The following STAU2 variants were observed in gnomAD, a reference collection of about 807,000 sequenced individuals.
The protein encoded by STAU2 is staufen double-stranded RNA binding protein 2.
In STAU2, 20 loss-of-function variants were observed where a neutral mutation model predicts 65.9. The observed-to-expected ratio is 0.30, with a 90% CI of 0.21 to 0.44. The LOEUF (loss-of-function observed/expected upper bound fraction) is 0.44. STAU2 is among the 20% of genes least tolerant of loss of function. The pLI is 1.00. For missense variants in STAU2, 558 were observed against 683.9 expected (o/e 0.82, Z 2.05); for synonymous variants, 232 against 233.9 (o/e 0.99, Z 0.07).
chr8:73,469,523 G>T (rs1421530038), intron 13 of STAU2, among the ~76,000 whole-genome samples: 2 of 151,382 alleles, frequency 1.3e-5, no homozygotes, highest in Non-Finnish European at 2.9e-5. Context: ...TAGAAGGACT[G>T]AGTAAGGAGA....
chr8:73,669,111 C>T lies in STAU2; in HGVS notation c.410+3996G>A, dbSNP rs189190729. 9.3e-4 allele frequency: 655 copies of T among 701,830 alleles called. 2 individuals are homozygous for T. The African/African-American group carries it at 0.011, about 12-fold the overall frequency. 43.5% of individuals were successfully genotyped at this position (701,830 alleles called of 1,614,324 possible). A position where few individuals can be genotyped will look rare whatever the true frequency, so the allele number is the denominator to read the frequency against. On this transcript the variant is annotated intron_variant, in intron 6 of 14. Coordinates refer to ENST00000524300, the MANE Select transcript of STAU2 (RefSeq NM_001164380.2). ...CTGTAATCCATTCAAGTGTTGCCATCTATAAATTAAAATAAATATGAGAAA... is the reference window on the plus strand; with the variant it reads ...CTGTAATCCATTCAAGTGTTGCCATTTATAAATTAAAATAAATATGAGAAA...
chr8:73,438,788 G>T, intron 13 of STAU2: 2 of 369,846 alleles, frequency 5.4e-6, no homozygotes, highest in South Asian at 4.1e-5. Context: ...GGTTAGGCCC[G>T]CTAACGGGGA....
At chr8:73,582,742 T>C (rs145725960) in intron 12 of STAU2, 28 bp downstream of exon 12, 1 of 1,610,414 alleles carries the variant, frequency 6.2e-7, no homozygotes, top group East Asian at 2.2e-5. Context: ...GAACACCAAG[T>C]GCAGACAACA....
chr8:73,432,245 T>C (rs1311279500), intron 13 of STAU2, among the ~76,000 whole-genome samples: 2 of 152,216 alleles, frequency 1.3e-5, no homozygotes, highest in Admixed American at 1.3e-4. Flanking sequence ...AACTGCTAGA[T>C]TCACCTCAAA....
chr8:73,678,117 T>G (rs765314949), intron 5 of STAU2, among the ~76,000 whole-genome samples: 1 of 152,178 alleles, frequency 6.6e-6, no homozygotes, highest in African/African-American at 2.4e-5. Flanking sequence ...GTCTCTTTCT[T>G]TCTTCACCCA....
At chr8:73,653,017 C>T (rs1379375980) in intron 6 of STAU2, 1 of 152,194 alleles carries the variant, frequency 6.6e-6, no homozygotes, top group African/African-American at 2.4e-5. Flanking sequence ...GCTACTCTTA[C>T]TTTGCCCCAA....
At position 73,475,279 on chromosome 8, in the gene STAU2, C is replaced by CA. The variant is rs1211637420; in HGVS notation, c.1531-52578dup. 3.4e-4 allele frequency among the ~76,000 whole-genome samples: 52 copies of CA among 151,668 alleles called. 1 individual carries two copies. The highest frequency in any genetic ancestry group is 3.4e-3 in the Middle Eastern group (1 of 294). ...TATTGTATTTCAGTGAGAAGTTTTTCAAAAAAAATGGAGCAGCCTTCTAAG... is the reference window on the plus strand; with the variant it reads ...TATTGTATTTCAGTGAGAAGTTTTTCAAAAAAAAATGGAGCAGCCTTCTAAG... On this transcript the variant is annotated intron_variant, in intron 13 of 14. Coordinates refer to ENST00000524300, the MANE Select transcript of STAU2 (RefSeq NM_001164380.2).
chr8:73,430,633 T>A (rs1368019973), intron 13 of STAU2, among the ~76,000 whole-genome samples: 2 of 152,238 alleles, frequency 1.3e-5, no homozygotes, highest in East Asian at 3.8e-4. Context: ...ATCAGATTGA[T>A]GATTTCAAAG....
intron 10 of STAU2, 84 bp from the exon 11 acceptor site, chr8:73,595,381 C>T: frequency 7.9e-7 from 1 of 1,264,296 alleles, no homozygotes; most frequent in Non-Finnish European, 1.1e-6. Flanking sequence ...AGCAATTCTA[C>T]TCTCTAGCAT....
At chr8:73,664,683 T>G (rs951107385) in intron 6 of STAU2, among the ~76,000 whole-genome samples, 6 of 152,214 alleles carry the variant, frequency 3.9e-5, no homozygotes, top group African/African-American at 1.4e-4. Flanking sequence ...TTTAATTTGC[T>G]GATATTTTGT....
At chr8:73,622,415 A>G (rs923841499) in intron 6 of STAU2, among the ~76,000 whole-genome samples, 87 of 151,984 alleles carry the variant, frequency 5.7e-4, no homozygotes, top group Non-Finnish European at 5.9e-5. Flanking sequence ...GTGAGCCACC[A>G]CGCCTGGCCA....
At chr8:73,625,023 G>C (rs1813532657) in intron 6 of STAU2, among the ~76,000 whole-genome samples, 1 of 151,684 alleles carries the variant, frequency 6.6e-6, no homozygotes, top group Non-Finnish European at 1.5e-5. Context: ...ACCACAATAA[G>C]ACACTACTTC....
At chr8:73,682,794 T>C (rs893883733) in intron 5 of STAU2, among the ~76,000 whole-genome samples, 1 of 152,088 alleles carries the variant, frequency 6.6e-6, no homozygotes, top group Non-Finnish European at 1.5e-5. Flanking sequence ...TAACAACTGA[T>C]ACCAGAGAAA....
intron 6 of STAU2, among the ~76,000 whole-genome samples, chr8:73,632,788 T>G (rs1814196328): frequency 6.6e-6 from 1 of 152,188 alleles, no homozygotes; most frequent in African/African-American, 2.4e-5. Context: ...ACTTATAATC[T>G]TAGTTGTCAC....
At chr8:73,436,932 G>A (rs1366246475) in intron 13 of STAU2, among the ~76,000 whole-genome samples, 1 of 152,004 alleles carries the variant, frequency 6.6e-6, no homozygotes, top group Non-Finnish European at 1.5e-5. Flanking sequence ...TGTTTTTCCT[G>A]TAATATTCCA....
At chr8:73,732,063 G>A (rs1370398739) in intron 3 of STAU2, among the ~76,000 whole-genome samples, 1 of 152,226 alleles carries the variant, frequency 6.6e-6, no homozygotes, top group Non-Finnish European at 1.5e-5. Context: ...CTCTCATGAG[G>A]TTGCAGTCAA....
chr8:73,663,949 C>T (rs909864451), intron 6 of STAU2, among the ~76,000 whole-genome samples: 1 of 152,320 alleles, frequency 6.6e-6, no homozygotes, highest in East Asian at 1.9e-4. Context: ...TTTCTACATA[C>T]AGAATCATGG....
chr8:73,741,251 G>A (rs1348590211), intron 1 of STAU2, among the ~76,000 whole-genome samples: 2 of 140,584 alleles, frequency 1.4e-5, no homozygotes, highest in African/African-American at 5.6e-5. Flanking sequence ...CTTGCAGTGA[G>A]CCAAGATCGC....
chr8:73,572,698 C>T (rs1809198243), intron 12 of STAU2, among the ~76,000 whole-genome samples: 2 of 152,166 alleles, frequency 1.3e-5, no homozygotes, highest in African/African-American at 2.4e-5. Context: ...AATTCAACAG[C>T]CCTTCATGCT....
Sources: gnomAD v4.1 joint callset for allele counts (sites outside exome capture counted in the v4.1 genomes callset) on GRCh38, gnomAD v4.1.1 for gene constraint, MANE v1.5 for transcripts, NCBI Gene and HGNC (gene_info 2026-07-23, HGNC 2026-07-21) for gene names.